KIAA1217: variants seen among roughly 807,000 people sequenced by gnomAD.
KIAA1217 encodes the protein KIAA1217, also known as sickle tail protein homolog.
In KIAA1217, 88 loss-of-function variants were observed where a neutral mutation model predicts 163.9. That is an observed-to-expected ratio of 0.54 (90% CI 0.45 to 0.64). The LOEUF (loss-of-function observed/expected upper bound fraction) is 0.64, where lower values mean the gene tolerates loss of function less well. Among genes scored for constraint, KIAA1217 ranks in the 30% least tolerant of loss-of-function variants. The pLI, the probability that KIAA1217 is intolerant of heterozygous loss-of-function variation, is 0.00. For missense variants in KIAA1217, 2,372 were observed against 2,475.0 expected, an observed-to-expected ratio of 0.96 and a Z score of 0.88; for synonymous variants, 903 against 923.1, an observed-to-expected ratio of 0.98 and a Z score of 0.39.
At chr10:24,409,286 G>T (rs1325681497) in intron 3 of KIAA1217, among the ~76,000 whole-genome samples, 1 of 152,122 alleles carries the variant, frequency 6.6e-6, no homozygotes. Flanking sequence ...ATCATTTAAT[G>T]TACTCTTGAG....
intron 1 of KIAA1217, among the ~76,000 whole-genome samples, chr10:23,697,324 C>A (rs1836112436): frequency 6.6e-6 from 1 of 152,142 alleles, no homozygotes; most frequent in Non-Finnish European, 1.5e-5. Flanking sequence ...TGAATTTATA[C>A]CCTTGTGCTT....
intron 1 of KIAA1217, among the ~76,000 whole-genome samples, chr10:23,779,210 A>G (rs967120203): frequency 1.3e-5 from 2 of 152,190 alleles, no homozygotes; most frequent in Non-Finnish European, 2.9e-5. Flanking sequence ...AGAATTAGTA[A>G]ACAGTACCCA....
rs376409016 is a variant in KIAA1217 at position 23,831,910 on chromosome 10, T to C, written c.-321+136676T>C. ...TTGATTTTATAACTCTATTGAGAGA[T>C]AGGAAAAAGCAAAGTGTTTTTTCTA... On this transcript the variant is annotated intron_variant, in intron 1 of 18. Transcript: ENST00000376462. Among the ~76,000 whole-genome samples the C allele has an allele frequency of 8.9e-4, 136 of 152,322 alleles. 3 individuals are homozygous for C. In the South Asian group the frequency reaches 0.028, roughly 31 times the overall value.
intron 1 of KIAA1217, among the ~76,000 whole-genome samples, chr10:23,948,050 T>C (rs1844140322): frequency 6.6e-6 from 1 of 152,196 alleles, no homozygotes; most frequent in Non-Finnish European, 1.5e-5. Context: ...ACACACAAAA[T>C]TATATTAGCT....
chr10:24,376,846 T>C (rs1336185), intron 2 of KIAA1217, among the ~76,000 whole-genome samples: 26,188 of 152,106 alleles, frequency 0.17, 2,716 homozygotes, highest in East Asian at 0.37. Flanking sequence ...CTTTGCTCCT[T>C]TCATTTGGTA....
chr10:24,136,419 T>A (rs2063834186), intron 2 of KIAA1217, among the ~76,000 whole-genome samples: 1 of 152,046 alleles, frequency 6.6e-6, no homozygotes, highest in Non-Finnish European at 1.5e-5. Flanking sequence ...GAGGATAAAT[T>A]TTCATTAAGT....
intron 3 of KIAA1217, among the ~76,000 whole-genome samples, chr10:24,421,050 G>A (rs2058694590): frequency 6.6e-6 from 1 of 152,160 alleles, no homozygotes. Flanking sequence ...TGTCACCCAG[G>A]CTGGAGTGCA....
chr10:24,056,049 A>G (rs918725426), intron 2 of KIAA1217, among the ~76,000 whole-genome samples: 12 of 152,140 alleles, frequency 7.9e-5, no homozygotes, highest in African/African-American at 2.9e-4. Flanking sequence ...GCAAAAAAAA[A>G]GCTCCAATGC....
chr10:23,814,884 A>G (rs986911100), intron 1 of KIAA1217, among the ~76,000 whole-genome samples: 4 of 152,130 alleles, frequency 2.6e-5, no homozygotes, highest in Non-Finnish European at 5.9e-5. Flanking sequence ...TGAAAGATCC[A>G]GTGTTTTTCT....
rs749528618 is a variant in KIAA1217, at chr10:24,513,279, G to A, written c.2022G>A (p.Leu674=). The change falls in exon 10 of 21, where the codon CTG becomes CTA. Residue 674 remains leucine (L), a synonymous_variant. Coordinates refer to ENST00000376454, the MANE Select transcript of KIAA1217 (RefSeq NM_019590.5). ...RQLQLQNQEL[L]RAMMKKAELE... ...CACAGCTGCAGAACCAGGAGTTGCTGAGGGCAATGATGAAGAAGGCCGAGC... is the reference window on the plus strand; with the variant it reads ...CACAGCTGCAGAACCAGGAGTTGCTAAGGGCAATGATGAAGAAGGCCGAGC... 7 of 1,614,154 alleles carry A rather than the reference G, an allele frequency of 4.3e-6. No individual in the cohort carries two copies. Among genetic ancestry groups the A allele is most frequent in the Middle Eastern group, 1.7e-4 (1 of 6,030 alleles).
At chr10:24,318,649 T>A (rs1301012488) in intron 2 of KIAA1217, among the ~76,000 whole-genome samples, 2 of 150,344 alleles carry the variant, frequency 1.3e-5, no homozygotes, top group African/African-American at 5.0e-5. Flanking sequence ...ACCAGTGGGA[T>A]GTGTGCACCT....
At chr10:24,544,708 A>G (rs933936393) in intron 19 of KIAA1217, among the ~76,000 whole-genome samples, 1 of 151,822 alleles carries the variant, frequency 6.6e-6, no homozygotes, top group Admixed American at 6.6e-5. Flanking sequence ...TCTGTTGCTG[A>G]CTGGTGTTGG....
intron 2 of KIAA1217, among the ~76,000 whole-genome samples, chr10:24,309,027 G>T (rs755162562): frequency 6.6e-6 from 1 of 151,366 alleles, no homozygotes; most frequent in Non-Finnish European, 1.5e-5. Context: ...GGAGGCTGAG[G>T]TCGGAGGATC....
chr10:23,783,213 C>T (rs1484911619), intron 1 of KIAA1217, among the ~76,000 whole-genome samples: 1 of 151,482 alleles, frequency 6.6e-6, no homozygotes, highest in Admixed American at 6.6e-5. Flanking sequence ...GCAAAAAAAT[C>T]TCATACTGTT....
chr10:24,260,313 G>T (rs1183483850), intron 2 of KIAA1217, among the ~76,000 whole-genome samples: 1 of 152,128 alleles, frequency 6.6e-6, no homozygotes, highest in Non-Finnish European at 1.5e-5. Context: ...CTCTGGAAAA[G>T]TGGTTTAGGA....
chr10:24,348,732 C>T (rs1191599081), intron 2 of KIAA1217, among the ~76,000 whole-genome samples: 2 of 152,142 alleles, frequency 1.3e-5, no homozygotes, highest in African/African-American at 4.8e-5. Context: ...TAAATTTTCA[C>T]ACCCATCCCC....
In KIAA1217 at chr10:23,712,865, T is replaced by C. The variant is rs902878561; in HGVS notation, c.-321+17631T>C. On this transcript the variant is annotated intron_variant, in intron 1 of 18. Transcript: ENST00000376462. Reference sequence around the variant, plus strand: ...GTGTTTCTTATTGCTCTCAATCAAGTATTTTTAGAAGATTTTCATATTACC... The same window carrying C: ...GTGTTTCTTATTGCTCTCAATCAAGCATTTTTAGAAGATTTTCATATTACC... Among the ~76,000 whole-genome samples the C allele has an allele frequency of 3.3e-5, 5 of 152,282 alleles. 1 individual carries two copies. Among genetic ancestry groups the C allele is most frequent in the African/African-American group, 1.2e-4 (5 of 41,578 alleles).
At chr10:23,903,579 C>T (rs912144948) in intron 1 of KIAA1217, among the ~76,000 whole-genome samples, 1 of 152,054 alleles carries the variant, frequency 6.6e-6, no homozygotes, top group Non-Finnish European at 1.5e-5. Flanking sequence ...CTTAGCAAGG[C>T]CTGTTTGTTC....
intron 3 of KIAA1217, among the ~76,000 whole-genome samples, chr10:24,385,003 G>A (rs1466906124): frequency 1.3e-5 from 2 of 152,174 alleles, no homozygotes; most frequent in African/African-American, 2.4e-5. Context: ...CCCCAGCCAC[G>A]GGGCCTGGAG....
Sources: gnomAD v4.1 joint callset for allele counts (sites outside exome capture counted in the v4.1 genomes callset) on GRCh38, gnomAD v4.1.1 for gene constraint, MANE v1.5 for transcripts, NCBI Gene and HGNC (gene_info 2026-07-23, HGNC 2026-07-21) for gene names.